Variants in CDC42BPA observed in about 807,000 individuals in gnomAD.
CDC42BPA encodes serine/threonine-protein kinase MRCK alpha.
A neutral mutation model predicts 223.5 loss-of-function variants in CDC42BPA; 80 were observed. That is an observed-to-expected ratio of 0.36 (90% CI 0.30 to 0.43). The LOEUF is 0.43. CDC42BPA is among the 20% of genes least tolerant of loss of function. The pLI, the probability that CDC42BPA is intolerant of heterozygous loss-of-function variation, is 1.00. For missense variants in CDC42BPA, 1,743 were observed against 2,099.9 expected, an observed-to-expected ratio of 0.83 and a Z score of 3.32; for synonymous variants, 694 against 718.6, an observed-to-expected ratio of 0.97 and a Z score of 0.55.
chr1:227,087,285 A>T (rs1018953675), intron 16 of CDC42BPA, among the ~76,000 whole-genome samples: 1 of 152,194 alleles, frequency 6.6e-6, no homozygotes, highest in African/African-American at 2.4e-5. Context: ...TGGATATCCA[A>T]TTGTTCCAGT....
At chr1:227,280,553 T>C (rs767013180) in intron 1 of CDC42BPA, among the ~76,000 whole-genome samples, 2 of 152,210 alleles carry the variant, frequency 1.3e-5, no homozygotes, top group Non-Finnish European at 2.9e-5. Flanking sequence ...GACCTGAAAA[T>C]TGATTCCCTT....
At chr1:227,194,975 G>GT (rs11450683) in intron 4 of CDC42BPA, among the ~76,000 whole-genome samples, 103,766 of 151,934 alleles carry the variant, frequency 0.68, 35,656 homozygotes, top group South Asian at 0.73. Flanking sequence ...TGAAGATATT[G>GT]TTTCAGGGAT....
chr1:227,123,853 G>A (rs1388678196), intron 11 of CDC42BPA, among the ~76,000 whole-genome samples: 4 of 152,244 alleles, frequency 2.6e-5, no homozygotes, highest in South Asian at 4.2e-4. Context: ...GAGAGAGAGA[G>A]AGAGTGTGTG....
rs751982943 is a variant in CDC42BPA at position 227,004,985 on chromosome 1, G to A, written c.4975+9C>T. 2.4e-4 allele frequency: 384 copies of A among 1,594,734 alleles called. 2 individuals are homozygous for A. In the South Asian group the frequency reaches 3.8e-3, roughly 16 times the overall value. ...CTCAGAGGCACCTTCCTGTAGCCCC[G>A]GCACTTACTTGCTGACAAGCCACTG... On this transcript the variant is annotated intron_variant, in intron 35 of 36. Coordinates refer to ENST00000366766, the MANE Select transcript of CDC42BPA (RefSeq NM_001394014.1).
chr1:227,085,019 GC>G (rs1462721677), intron 16 of CDC42BPA, among the ~76,000 whole-genome samples: 1 of 152,168 alleles, frequency 6.6e-6, no homozygotes, highest in Admixed American at 6.5e-5. Flanking sequence ...CGAGGCAGAA[GC>G]TTTTCCTGAA....
intron 15 of CDC42BPA, among the ~76,000 whole-genome samples, chr1:227,099,828 C>A (rs1288263639): frequency 6.6e-6 from 1 of 152,098 alleles, no homozygotes; most frequent in African/African-American, 2.4e-5. Flanking sequence ...ATTTAACCCT[C>A]CCTTGAATGC....
intron 1 of CDC42BPA, among the ~76,000 whole-genome samples, chr1:227,255,703 C>G (rs1051271459): frequency 6.6e-6 from 1 of 152,150 alleles, no homozygotes. Context: ...CCATTTGCAA[C>G]AGCATCCAAA....
chr1:227,026,524 G>GT (rs1342433390), intron 30 of CDC42BPA, among the ~76,000 whole-genome samples: 2 of 152,100 alleles, frequency 1.3e-5, no homozygotes, highest in African/African-American at 4.8e-5. Context: ...AAATCTTCAG[G>GT]TAAGTGTTCT....
At chr1:227,119,506 A>G (rs1472942701) in intron 12 of CDC42BPA, among the ~76,000 whole-genome samples, 1 of 152,032 alleles carries the variant, frequency 6.6e-6, no homozygotes, top group Non-Finnish European at 1.5e-5. Flanking sequence ...AACAGTTTCT[A>G]CTATTTTCTT....
At chr1:227,140,376 A>T (rs1340439864) in intron 9 of CDC42BPA, among the ~76,000 whole-genome samples, 1 of 152,256 alleles carries the variant, frequency 6.6e-6, no homozygotes, top group East Asian at 1.9e-4. Context: ...GGAGGAAATA[A>T]AAATTTAGAT....
At chr1:227,195,526 G>A (rs1670528570) in intron 4 of CDC42BPA, among the ~76,000 whole-genome samples, 2 of 152,112 alleles carry the variant, frequency 1.3e-5, no homozygotes, top group Admixed American at 1.3e-4. Context: ...TGATTAAAGT[G>A]TGAAGACTAT....
chr1:227,158,934 A>G (rs536102567), intron 6 of CDC42BPA, among the ~76,000 whole-genome samples: 2 of 152,176 alleles, frequency 1.3e-5, no homozygotes, highest in South Asian at 4.2e-4. Flanking sequence ...CTTTCACTCT[A>G]GCTTTCTGCA....
chr1:227,032,880 A>T (rs1223116968), intron 27 of CDC42BPA, among the ~76,000 whole-genome samples: 2 of 152,248 alleles, frequency 1.3e-5, no homozygotes, highest in African/African-American at 4.8e-5. Flanking sequence ...GGACACCACA[A>T]GAACTGTACA....
chr1:227,159,345 G>C (rs1029075399), intron 6 of CDC42BPA, among the ~76,000 whole-genome samples: 2 of 152,134 alleles, frequency 1.3e-5, no homozygotes, highest in Non-Finnish European at 2.9e-5. Flanking sequence ...AAATTAGCCA[G>C]GCGTGGTGGT....
chr1:227,135,806 A>T (rs1159981405), intron 10 of CDC42BPA, among the ~76,000 whole-genome samples: 1 of 140,676 alleles, frequency 7.1e-6, no homozygotes, highest in Non-Finnish European at 1.5e-5. Flanking sequence ...GTGAACCGAG[A>T]TCACACCACT....
At chr1:227,300,530 G>C (rs952510401) in intron 1 of CDC42BPA, among the ~76,000 whole-genome samples, 1 of 152,140 alleles carries the variant, frequency 6.6e-6, no homozygotes, top group African/African-American at 2.4e-5. Flanking sequence ...CAACAACTTG[G>C]ATGGAGCTGG....
intron 5 of CDC42BPA, among the ~76,000 whole-genome samples, chr1:227,161,408 T>C (rs1663865883): frequency 6.6e-6 from 1 of 152,180 alleles, no homozygotes; most frequent in Non-Finnish European, 1.5e-5. Flanking sequence ...ACTCTACTTT[T>C]AGAGGGAGAA....
At chr1:227,016,420 T>C (rs1403618066) in intron 33 of CDC42BPA, among the ~76,000 whole-genome samples, 1 of 152,224 alleles carries the variant, frequency 6.6e-6, no homozygotes, top group Non-Finnish European at 1.5e-5. Context: ...AGAGGATCTT[T>C]TTAAATACTT....
chr1:227,075,099 A>C (rs1679183667), intron 17 of CDC42BPA, among the ~76,000 whole-genome samples: 1 of 152,216 alleles, frequency 6.6e-6, no homozygotes. Flanking sequence ...GAATCTAAAA[A>C]AGAAGGTCCT....
Sources: gnomAD v4.1 joint callset for allele counts (sites outside exome capture counted in the v4.1 genomes callset) on GRCh38, gnomAD v4.1.1 for gene constraint, MANE v1.5 for transcripts, NCBI Gene and HGNC (gene_info 2026-07-23, HGNC 2026-07-21) for gene names.